Variants in MAP2K6 observed in about 807,000 individuals in gnomAD.
MAP2K6 encodes dual specificity mitogen-activated protein kinase kinase 6.
MAP2K6 carries 16 observed loss-of-function variants against 53.7 expected under a neutral mutation model. The ratio of observed to expected loss-of-function variants is 0.30; its 90% CI spans 0.20 to 0.45. The LOEUF (loss-of-function observed/expected upper bound fraction) is 0.45, where lower values mean the gene tolerates loss of function less well. MAP2K6 is among the 20% of genes least tolerant of loss of function. The pLI, the probability that MAP2K6 is intolerant of heterozygous loss-of-function variation, is 1.00. For synonymous variants in MAP2K6, 132 were observed against 143.1 expected (o/e 0.92, Z 0.55); for missense variants, 204 against 411.9 (o/e 0.50, Z 4.37).
rs189053229 is a variant in MAP2K6 at position 69,540,079 on chromosome 17, T to G, written c.928-1597T>G. On this transcript the variant is annotated intron_variant, in intron 11 of 11. Transcript: ENST00000590474. ...TACTTAATCGCGACCAGCTATCTTC[T>G]TTGGGGTTTTTATTTCTTTGTTCCT... 8.2e-3 allele frequency among the ~76,000 whole-genome samples: 1,248 copies of G among 152,340 alleles called. 17 individuals carry two copies. The highest frequency in any genetic ancestry group is 0.023 in the South Asian group (112 of 4,828).
At chr17:69,456,828 C>G (rs1907424928) in intron 1 of MAP2K6, among the ~76,000 whole-genome samples, 1 of 152,168 alleles carries the variant, frequency 6.6e-6, no homozygotes, top group African/African-American at 2.4e-5. Flanking sequence ...CTACAAATCC[C>G]TGCCCTGCAC....
chr17:69,421,709 T>C (rs1009199788), intron 1 of MAP2K6, among the ~76,000 whole-genome samples: 1 of 151,052 alleles, frequency 6.6e-6, no homozygotes, highest in African/African-American at 2.4e-5. Flanking sequence ...GCCCGGCTAA[T>C]TTTTTTTGTA....
chr17:69,502,759 CCTT>C (rs916009094), intron 1 of MAP2K6: 1 of 923,018 alleles, frequency 1.1e-6, no homozygotes, highest in African/African-American at 1.8e-5. Flanking sequence ...GAATCAAAGG[CCTT>C]CTCCTCCCAC....
At chr17:69,438,053 A>G (rs1906703519) in intron 1 of MAP2K6, among the ~76,000 whole-genome samples, 1 of 152,270 alleles carries the variant, frequency 6.6e-6, no homozygotes, top group Admixed American at 6.5e-5. Flanking sequence ...GCTAATAGAA[A>G]GTGAGTTGAG....
At chr17:69,456,962 A>G (rs528704811) in intron 1 of MAP2K6, among the ~76,000 whole-genome samples, 2 of 152,160 alleles carry the variant, frequency 1.3e-5, no homozygotes, top group Admixed American at 6.5e-5. Context: ...TGGACGCCCT[A>G]CCTGACCTAC....
intron 1 of MAP2K6, among the ~76,000 whole-genome samples, chr17:69,460,186 T>C (rs1907573985): frequency 6.6e-6 from 1 of 152,146 alleles, no homozygotes; most frequent in South Asian, 2.1e-4. Flanking sequence ...GGCAGTCCTG[T>C]CATCAAATAA....
intron 1 of MAP2K6, among the ~76,000 whole-genome samples, chr17:69,486,397 T>A (rs1315769464): frequency 2.0e-5 from 3 of 152,234 alleles, no homozygotes; most frequent in Non-Finnish European, 4.4e-5. Context: ...TGTATTTGGT[T>A]AAGTGTGTTC....
intron 1 of MAP2K6, among the ~76,000 whole-genome samples, chr17:69,430,863 A>C (rs1395289141): frequency 3.3e-5 from 5 of 152,236 alleles, no homozygotes; most frequent in Admixed American, 3.3e-4. Flanking sequence ...TGGATAGAAG[A>C]AACGCAAGTG....
chr17:69,539,686 A>G (rs1911519966), intron 11 of MAP2K6, among the ~76,000 whole-genome samples: 1 of 152,236 alleles, frequency 6.6e-6, no homozygotes, highest in Non-Finnish European at 1.5e-5. Flanking sequence ...CTGAGCTAAT[A>G]GCCACTAGCA....
chr17:69,454,883 G>T (rs1446174904), intron 1 of MAP2K6, among the ~76,000 whole-genome samples: 1 of 152,104 alleles, frequency 6.6e-6, no homozygotes, highest in Non-Finnish European at 1.5e-5. Context: ...GGATCTTATG[G>T]CATTTTGCTT....
chr17:69,511,813 T>C (rs942012915), intron 2 of MAP2K6, among the ~76,000 whole-genome samples: 2 of 152,132 alleles, frequency 1.3e-5, no homozygotes, highest in Non-Finnish European at 2.9e-5. Context: ...AGTTTCCTTT[T>C]CTAAAAATAC....
At chr17:69,417,961 G>A (rs1905957241) in intron 1 of MAP2K6, among the ~76,000 whole-genome samples, 1 of 152,206 alleles carries the variant, frequency 6.6e-6, no homozygotes, top group Admixed American at 6.5e-5. Flanking sequence ...TGTAAGAAAT[G>A]CCTATGAGGC....
chr17:69,512,803 A>T (rs1909924683), intron 2 of MAP2K6, among the ~76,000 whole-genome samples: 1 of 152,212 alleles, frequency 6.6e-6, no homozygotes, highest in Non-Finnish European at 1.5e-5. Context: ...AAATGGTCTC[A>T]CGCAGTCTCT....
chr17:69,502,285 T>A lies in MAP2K6; in HGVS notation c.17-3495T>A. 3 of 985,354 alleles carry A rather than the reference T, an allele frequency of 3.0e-6. No individual in the cohort carries two copies. In the South Asian group the frequency reaches 1.4e-4, roughly 46 times the overall value. The allele number at this position is 985,354 out of a possible 1,614,324, so 61.0% of individuals were successfully genotyped here. Reference sequence around the variant, plus strand: ...TCAGTTCTGTTTCTCCTTGCCGAAGTGTGGTCTTTGGAGCTAAGTGAAGAA... The same window carrying A: ...TCAGTTCTGTTTCTCCTTGCCGAAGAGTGGTCTTTGGAGCTAAGTGAAGAA... On this transcript the variant is annotated intron_variant, in intron 1 of 11. Coordinates refer to ENST00000590474, the MANE Select transcript of MAP2K6 (RefSeq NM_002758.4).
chr17:69,523,665 A>G (rs2144829184), intron 8 of MAP2K6, 24 bp downstream of exon 8: 4 of 1,611,824 alleles, frequency 2.5e-6, no homozygotes, highest in South Asian at 1.1e-5. Flanking sequence ...CTAGGGTGGC[A>G]TCTGGTAATG....
chr17:69,458,475 A>G (rs1907500642), intron 1 of MAP2K6, among the ~76,000 whole-genome samples: 1 of 152,224 alleles, frequency 6.6e-6, no homozygotes, highest in South Asian at 2.1e-4. Flanking sequence ...ACCCTGAAGT[A>G]TAAGGACCAC....
At chr17:69,415,145 CT>C in intron 1 of MAP2K6, 145 bp downstream of exon 1, 6 of 739,174 alleles carry the variant, frequency 8.1e-6, no homozygotes, top group Non-Finnish European at 9.2e-6. Context: ...TAGTATGTGT[CT>C]TTTTTTGCAG....
chr17:69,527,118 C>T (rs1910815723), intron 10 of MAP2K6, among the ~76,000 whole-genome samples: 2 of 152,112 alleles, frequency 1.3e-5, no homozygotes, highest in African/African-American at 4.8e-5. Context: ...CACAATGTCA[C>T]GAAAGCAAGA....
intron 1 of MAP2K6, among the ~76,000 whole-genome samples, chr17:69,424,294 A>G (rs1688391104): frequency 1.3e-5 from 2 of 152,194 alleles, no homozygotes. Flanking sequence ...TGGTAGAATG[A>G]GCCCAGATTT....
Sources: gnomAD v4.1 joint callset for allele counts (sites outside exome capture counted in the v4.1 genomes callset) on GRCh38, gnomAD v4.1.1 for gene constraint, MANE v1.5 for transcripts, NCBI Gene and HGNC (gene_info 2026-07-23, HGNC 2026-07-21) for gene names.